Variants in GOLT1A observed in about 807,000 individuals in gnomAD.
The protein encoded by GOLT1A is golgi transport 1A.
Under a neutral mutation model 16.1 loss-of-function variants are expected in GOLT1A, and 10 were observed. The observed-to-expected ratio is 0.62, with a 90% confidence interval of 0.38 to 1.05. GOLT1A has a LOEUF of 1.05. GOLT1A is among the 50% of genes least tolerant of loss of function. The pLI, the probability that GOLT1A is intolerant of heterozygous loss-of-function variation, is 0.01. For synonymous variants in GOLT1A, 60 were observed against 67.9 expected, an observed-to-expected ratio of 0.88 and a Z score of 0.57; for missense variants, 137 against 165.7, an observed-to-expected ratio of 0.83 and a Z score of 0.95.
intron 1 of GOLT1A, among the ~76,000 whole-genome samples, chr1:204,212,636 C>CA (rs34059752): frequency 0.02 from 1,656 of 84,136 alleles, 42 homozygotes; most frequent in African/African-American, 0.07. Flanking sequence ...GACTCTGTCT[C>CA]AAAAAAAAAA....
chr1:204,204,429 T>C (rs1292138815), intron 1 of GOLT1A, among the ~76,000 whole-genome samples: 2 of 152,202 alleles, frequency 1.3e-5, no homozygotes, highest in Non-Finnish European at 2.9e-5. Context: ...TTATTTCACT[T>C]ATCATAACGT....
At chr1:204,204,564 G>A (rs545745255) in intron 1 of GOLT1A, among the ~76,000 whole-genome samples, 1 of 152,234 alleles carries the variant, frequency 6.6e-6, no homozygotes, top group South Asian at 2.1e-4. Context: ...GGACATCTGG[G>A]TGGCTTCCAT....
At chr1:204,200,691 C>T (rs1226636951) in intron 3 of GOLT1A, among the ~76,000 whole-genome samples, 1 of 152,072 alleles carries the variant, frequency 6.6e-6, no homozygotes, top group African/African-American at 2.4e-5. Context: ...ACTTTAAAGC[C>T]ACACTTCCCA....
chr1:204,211,130 C>T (rs1042920115), intron 1 of GOLT1A, among the ~76,000 whole-genome samples: 2 of 152,216 alleles, frequency 1.3e-5, no homozygotes, highest in Admixed American at 1.3e-4. Flanking sequence ...GCAGCAGCCC[C>T]CATTTGGCCT....
Position 204,198,903 on chromosome 1 carries a change from C to T in GOLT1A, c.360+292G>A, listed in dbSNP as rs543463371. The stretch of plus-strand genomic sequence containing the variant: ...ATGTCCTGGCTGAGTCACCTAGAGT[C>T]TCTGCGTCTTCATTTCTTTGGCTGT... On this transcript the variant is annotated intron_variant, in intron 4 of 4. Transcript: ENST00000308302. The T allele has an allele frequency of 2.4e-5, 12 of 505,150 alleles. No individual in the cohort carries two copies. In the Admixed American group the frequency reaches 2.9e-4, roughly 12 times the overall value. 31.3% of individuals were successfully genotyped at this position (505,150 alleles called of 1,614,324 possible).
intron 1 of GOLT1A, 95 bp downstream of exon 1, chr1:204,213,787 C>T (rs1405784997): frequency 2.8e-6 from 4 of 1,427,274 alleles, no homozygotes; most frequent in South Asian, 1.2e-5. Flanking sequence ...CCAGAGGTCA[C>T]GCTTGTAGTG....
At position 204,201,665 on chromosome 1, in the gene GOLT1A, G is replaced by A; in HGVS notation, c.264C>T (p.Phe88=). 1 of 1,614,092 alleles carries A rather than the reference G, an allele frequency of 6.2e-7. No homozygotes were observed. Among genetic ancestry groups the A allele is most frequent in the Non-Finnish European group, 8.5e-7 (1 of 1,179,996 alleles). ...VLLRWPLLGM[F]LETYGFFSLF... ...GGCTGAAGAATCCGTAGGTTTCCAG[G>A]AACATGCCGAGGAGGGGCCAGCGTA... The change falls in exon 3 of 5, where the codon TTC becomes TTT. Residue 88 remains phenylalanine (F), a synonymous_variant. Transcript: ENST00000308302.
intron 4 of GOLT1A, 25 bp from the exon 5 acceptor site, chr1:204,198,521 C>G: frequency 6.2e-7 from 1 of 1,609,828 alleles, no homozygotes; most frequent in Middle Eastern, 1.7e-4. Flanking sequence ...AATCATTACT[C>G]CACACAAAGG....
At chr1:204,210,406 C>T (rs1181844542) in intron 1 of GOLT1A, among the ~76,000 whole-genome samples, 1 of 152,134 alleles carries the variant, frequency 6.6e-6, no homozygotes, top group Non-Finnish European at 1.5e-5. Context: ...CACATGTATT[C>T]CCATGTGTTT....
At chr1:204,202,489 T>C (rs1311925610) in intron 2 of GOLT1A, among the ~76,000 whole-genome samples, 1 of 151,998 alleles carries the variant, frequency 6.6e-6, no homozygotes, top group Non-Finnish European at 1.5e-5. Context: ...CTCTTTCCAC[T>C]AAGCCCCTTG....
Position 204,201,615 on chromosome 1 carries a change from A to G in GOLT1A, c.296+18T>C, listed in dbSNP as rs766328661. The G allele has an allele frequency of 1.9e-6, 3 of 1,613,498 alleles. No individual in the cohort carries two copies. The highest frequency in any genetic ancestry group is 1.7e-4 in the Middle Eastern group (1 of 6,042). ...CACTTTGGTGGGTCTGTCCAGGGTT[A>G]TAGGGATTTGCACTCACTTAAAGAG... On this transcript the variant is annotated intron_variant, in intron 3 of 4. Coordinates refer to ENST00000308302, the MANE Select transcript of GOLT1A (RefSeq NM_198447.2).
chr1:204,208,476 G>GTATATATATATATATATAA (rs1553234657), intron 1 of GOLT1A, among the ~76,000 whole-genome samples: 1 of 39,940 alleles, frequency 2.5e-5, no homozygotes, highest in African/African-American at 7.9e-5. Context: ...GTGTGTGTGT[G>GTATATATATATATATATAA]TATATATATA....
chr1:204,199,290 T>G, intron 3 of GOLT1A, 32 bp from the exon 4 acceptor site: 1 of 1,562,040 alleles, frequency 6.4e-7, no homozygotes, highest in Non-Finnish European at 8.7e-7. Flanking sequence ...GAGGAGTCAG[T>G]GATGGCCCAG....
intron 1 of GOLT1A, among the ~76,000 whole-genome samples, chr1:204,207,815 GGT>G (rs1659068366): frequency 6.6e-6 from 1 of 152,090 alleles, no homozygotes; most frequent in Non-Finnish European, 1.5e-5. Flanking sequence ...TGAATGCTCT[GGT>G]GTGGTTTTTA....
At chr1:204,199,117 G>A in intron 4 of GOLT1A, 78 bp downstream of exon 4, 2 of 1,329,084 alleles carry the variant, frequency 1.5e-6, no homozygotes, top group Non-Finnish European at 2.1e-6. Flanking sequence ...TGGGGCAGCA[G>A]TTTTACCAGC....
intron 1 of GOLT1A, among the ~76,000 whole-genome samples, chr1:204,206,042 C>T (rs1185178071): frequency 1.3e-5 from 2 of 152,032 alleles, no homozygotes; most frequent in African/African-American, 2.4e-5. Flanking sequence ...TGCACTCCAG[C>T]CTGGGTAACA....
chr1:204,208,420 A>T (rs1340670280), intron 1 of GOLT1A, among the ~76,000 whole-genome samples: 1,853 of 66,488 alleles, frequency 0.028, 29 homozygotes, highest in Non-Finnish European at 0.044. Flanking sequence ...ATATGTATAC[A>T]TATGTGTATA....
At chr1:204,199,670 C>T (rs35283778) in intron 3 of GOLT1A, among the ~76,000 whole-genome samples, 16 of 152,208 alleles carry the variant, frequency 1.1e-4, no homozygotes, top group African/African-American at 3.4e-4. Flanking sequence ...TCTTCTCTTC[C>T]TGAGATCCAC....
In GOLT1A at chr1:204,198,369, G is replaced by A; in HGVS notation, c.*89C>T. The A allele has an allele frequency of 2.5e-6, 3 of 1,193,526 alleles. No individual in the cohort carries two copies. The highest frequency in any genetic ancestry group is 1.3e-5 in the South Asian group (1 of 79,552). 73.9% of individuals were successfully genotyped at this position (1,193,526 alleles called of 1,614,324 possible). ...GAGGTCCGGATATGTCGGGGAGTGA[G>A]TCAGTGCAGGGGACTGAGGGGGTGG... On this transcript the variant is annotated 3_prime_UTR_variant, in exon 5 of 5. Transcript: ENST00000308302.
Sources: allele counts gnomAD v4.1 joint callset (sites outside exome capture counted in the v4.1 genomes callset), GRCh38; gene constraint gnomAD v4.1.1; transcripts MANE v1.5; gene names NCBI Gene and HGNC (gene_info 2026-07-23, HGNC 2026-07-21).